The following TPD52L1 variants were observed in gnomAD, a reference collection of about 807,000 sequenced individuals.
The protein encoded by TPD52L1 is tumor protein D53.
In TPD52L1, 18 loss-of-function variants were observed where a neutral mutation model predicts 28.7. That is an observed-to-expected ratio of 0.63 (90% CI 0.43 to 0.93). The LOEUF (loss-of-function observed/expected upper bound fraction) is 0.93. Among genes scored for constraint, TPD52L1 ranks in the 40% least tolerant of loss-of-function variants. TPD52L1 has a pLI of 0.00. For missense variants in TPD52L1, 203 were observed against 254.8 expected (o/e 0.80, Z 1.39); for synonymous variants, 75 against 88.8 (o/e 0.84, Z 0.88).
intron 3 of TPD52L1, among the ~76,000 whole-genome samples, chr6:125,236,643 T>G (rs1796274317): frequency 6.6e-6 from 1 of 152,234 alleles, no homozygotes; most frequent in Non-Finnish European, 1.5e-5. Flanking sequence ...ATTCTCTAAC[T>G]AGTAGCCAGT....
At chr6:125,167,257 TAAAAC>T (rs1306384090) in intron 1 of TPD52L1, among the ~76,000 whole-genome samples, 1 of 151,698 alleles carries the variant, frequency 6.6e-6, no homozygotes, top group Admixed American at 6.6e-5. Flanking sequence ...AAAACACAAA[TAAAAC>T]AAAAAACAAA....
At chr6:125,221,842 T>C (rs574287734) in intron 2 of TPD52L1, 1 of 152,298 alleles carries the variant, frequency 6.6e-6, no homozygotes, top group African/African-American at 2.4e-5. Flanking sequence ...GTGTTCAAGT[T>C]ACCAGGATTC....
intron 5 of TPD52L1, among the ~76,000 whole-genome samples, chr6:125,254,072 C>A (rs1436203728): frequency 6.6e-6 from 1 of 152,202 alleles, no homozygotes; most frequent in African/African-American, 2.4e-5. Flanking sequence ...CTACATAAAG[C>A]ATTTAGCACA....
At chr6:125,171,674 T>A (rs1375636326) in intron 1 of TPD52L1, among the ~76,000 whole-genome samples, 2 of 152,116 alleles carry the variant, frequency 1.3e-5, no homozygotes, top group Admixed American at 1.3e-4. Context: ...CTGCCAACAG[T>A]CTGCATGAGC....
chr6:125,229,527 T>C (rs1381261035), intron 3 of TPD52L1, among the ~76,000 whole-genome samples: 1 of 152,262 alleles, frequency 6.6e-6, no homozygotes, highest in Non-Finnish European at 1.5e-5. Context: ...TTAGGTTTTA[T>C]TGTTTAAATG....
intron 1 of TPD52L1, among the ~76,000 whole-genome samples, chr6:125,211,767 C>T (rs569988908): frequency 6.6e-6 from 1 of 152,272 alleles, no homozygotes; most frequent in East Asian, 1.9e-4. Context: ...CAAAACTTCA[C>T]GGCAACAGGA....
At chr6:125,207,008 GACAA>G (rs534837111) in intron 1 of TPD52L1, among the ~76,000 whole-genome samples, 153 of 152,224 alleles carry the variant, frequency 1.0e-3, no homozygotes, top group African/African-American at 3.5e-3. Flanking sequence ...TTTTGCTATT[GACAA>G]ACAAACATCA....
At chr6:125,262,374 G>A (rs980094428) in intron 6 of TPD52L1, 9 of 153,052 alleles carry the variant, frequency 5.9e-5, no homozygotes, top group African/African-American at 2.2e-4. Flanking sequence ...CTTTTCAAAA[G>A]ACATTTGTCA....
chr6:125,235,857 A>G (rs1239778338), intron 3 of TPD52L1, among the ~76,000 whole-genome samples: 2 of 152,228 alleles, frequency 1.3e-5, no homozygotes, highest in African/African-American at 4.8e-5. Context: ...CTTGGATAAC[A>G]TAGTGGGATC....
chr6:125,162,733 T>A (rs1347838219), intron 1 of TPD52L1, among the ~76,000 whole-genome samples: 1 of 152,172 alleles, frequency 6.6e-6, no homozygotes, highest in Non-Finnish European at 1.5e-5. Context: ...AGCTCCAATA[T>A]CATAGGATTG....
intron 1 of TPD52L1, among the ~76,000 whole-genome samples, chr6:125,210,039 A>T (rs1327752201): frequency 6.6e-6 from 1 of 152,210 alleles, no homozygotes; most frequent in African/African-American, 2.4e-5. Context: ...TTCTTTGAAA[A>T]AAAGAACATG....
intron 1 of TPD52L1, chr6:125,214,610 T>C (rs1437474284): frequency 5.3e-6 from 1 of 189,612 alleles, no homozygotes; most frequent in Non-Finnish European, 9.8e-6. Flanking sequence ...CTTTTCTTGC[T>C]GGTAAATCCA....
intron 6 of TPD52L1, among the ~76,000 whole-genome samples, chr6:125,258,685 T>C (rs1797745245): frequency 6.6e-6 from 1 of 152,174 alleles, no homozygotes; most frequent in Admixed American, 6.5e-5. Context: ...AGGATTTAAG[T>C]GTTTGATCCA....
At chr6:125,160,551 T>C (rs1425444740) in intron 1 of TPD52L1, among the ~76,000 whole-genome samples, 1 of 152,042 alleles carries the variant, frequency 6.6e-6, no homozygotes, top group Non-Finnish European at 1.5e-5. Flanking sequence ...ATAAGGGCCT[T>C]AGAACTTTTT....
intron 3 of TPD52L1, among the ~76,000 whole-genome samples, chr6:125,238,363 T>C (rs182789869): frequency 4.6e-5 from 7 of 152,358 alleles, no homozygotes; most frequent in Admixed American, 4.6e-4. Flanking sequence ...TCTTTTTAAA[T>C]TTTATTTCAA....
At chr6:125,253,893 A>C (rs1562390720) in intron 5 of TPD52L1, 138 bp downstream of exon 5, 1 of 877,456 alleles carries the variant, frequency 1.1e-6, no homozygotes, top group South Asian at 1.3e-5. Context: ...AAGGCTGACA[A>C]TTCTGTGGAA....
Position 125,252,158 on chromosome 6 carries a change from A to G in TPD52L1, c.387-1559A>G, listed in dbSNP as rs529469589. 1.8e-4 allele frequency: 208 copies of G among 1,158,802 alleles called. 3 individuals are homozygous for G. The South Asian group carries it at 2.7e-3, about 15-fold the overall frequency. The allele number at this position is 1,158,802 out of a possible 1,614,324, so 71.8% of individuals were successfully genotyped here. The stretch of plus-strand genomic sequence containing the variant: ...AACAAAACTACACTCTGTTTTCCAG[A>G]CAGTTCCCGTGACCAGGAAGATAGT... On this transcript the variant is annotated intron_variant, in intron 4 of 6. Transcript: ENST00000534000.
In TPD52L1 at chr6:125,262,826, C is replaced by T. The variant is rs1190651841; in HGVS notation, c.487-8C>T. The T allele has an allele frequency of 6.2e-7, 1 of 1,607,740 alleles. No homozygotes were observed. Among genetic ancestry groups the T allele is most frequent in the Non-Finnish European group, 8.5e-7 (1 of 1,178,054 alleles). On this transcript the variant is annotated splice_region_variant and splice_polypyrimidine_tract_variant and intron_variant, in intron 6 of 6. Transcript: ENST00000534000. ...CTAACTGCATTTTTGTGGATCTGCT[C>T]ATTTCAGACGAAAGTAGGCGGTACG...
chr6:125,193,496 C>G (rs1048331855), intron 1 of TPD52L1, among the ~76,000 whole-genome samples: 26 of 152,204 alleles, frequency 1.7e-4, no homozygotes, highest in African/African-American at 6.0e-4. Flanking sequence ...AAGTCCCAAG[C>G]AGCTTTTCTG....
Sources: gnomAD v4.1 joint callset for allele counts (sites outside exome capture counted in the v4.1 genomes callset) on GRCh38, gnomAD v4.1.1 for gene constraint, MANE v1.5 for transcripts, NCBI Gene and HGNC (gene_info 2026-07-23, HGNC 2026-07-21) for gene names.